TNIP3: variants seen among roughly 807,000 people sequenced by gnomAD.
TNIP3 encodes TNFAIP3 interacting protein 3, also known as TNFAIP3-interacting protein 3.
Under a neutral mutation model 54.1 loss-of-function variants are expected in TNIP3, and 34 were observed. The ratio of observed to expected loss-of-function variants is 0.63; its 90% CI spans 0.48 to 0.84. TNIP3 has a LOEUF of 0.84. Ranked by LOEUF, TNIP3 falls within the 40% of genes least tolerant of loss-of-function variation. The pLI is 0.00. For synonymous variants in TNIP3, 134 were observed against 136.8 expected, an observed-to-expected ratio of 0.98 and a Z score of 0.14; for missense variants, 366 against 387.6, an observed-to-expected ratio of 0.94 and a Z score of 0.47.
At chr4:121,219,628 A>G (rs1726949284), upstream of TNIP3, among the ~76,000 whole-genome samples, 1 of 152,236 alleles carries the variant, frequency 6.6e-6, no homozygotes, top group Admixed American at 6.5e-5. Flanking sequence ...ATTCAAGGGC[A>G]GGGTGTTCGT....
chr4:121,207,925 T>C (rs1447118665), intron 2 of TNIP3, among the ~76,000 whole-genome samples: 8 of 152,284 alleles, frequency 5.3e-5, no homozygotes, highest in Admixed American at 2.0e-4. Context: ...TGGGAGATAA[T>C]ATGAATGATG....
intron 2 of TNIP3, among the ~76,000 whole-genome samples, chr4:121,203,800 C>T (rs1266443598): frequency 1.3e-5 from 2 of 151,606 alleles, no homozygotes; most frequent in Non-Finnish European, 2.9e-5. Flanking sequence ...TATTCTTATG[C>T]TTCCTTCAGT....
intron 2 of TNIP3, among the ~76,000 whole-genome samples, chr4:121,205,111 G>C (rs1316076564): frequency 6.6e-6 from 1 of 152,166 alleles, no homozygotes; most frequent in Admixed American, 6.6e-5. Context: ...GAAATATAGA[G>C]CAATGTAAGT....
intron 1 of TNIP3, among the ~76,000 whole-genome samples, chr4:121,226,485 G>A (rs1452701143): frequency 1.3e-5 from 2 of 152,216 alleles, no homozygotes; most frequent in African/African-American, 4.8e-5. Flanking sequence ...TTCCACTGTG[G>A]GGACAGGTCT....
At chr4:121,154,933 C>A (rs1251144509) in intron 4 of TNIP3, among the ~76,000 whole-genome samples, 1 of 149,924 alleles carries the variant, frequency 6.7e-6, no homozygotes, top group Non-Finnish European at 1.5e-5. Context: ...AATTTTGTGA[C>A]CCCAGGAAAA....
At chr4:121,157,405 C>A in intron 3 of TNIP3, 162 bp from the exon 4 acceptor site, 1 of 864,374 alleles carries the variant, frequency 1.2e-6, no homozygotes, top group Non-Finnish European at 1.8e-6. Context: ...TCGGGATACT[C>A]GCGTTTCAAA....
chr4:121,196,809 A>T (rs1045107621), intron 2 of TNIP3, among the ~76,000 whole-genome samples: 1 of 152,038 alleles, frequency 6.6e-6, no homozygotes, highest in Non-Finnish European at 1.5e-5. Context: ...TAAAATTATG[A>T]TAGATTTGCT....
In TNIP3 at chr4:121,206,988, T is replaced by C. The variant is rs915503679; in HGVS notation, c.68+9427A>G. Among the ~76,000 whole-genome samples, 4 of 152,210 alleles carry C rather than the reference T, an allele frequency of 2.6e-5. No individual in the cohort carries two copies. In the South Asian group the frequency reaches 8.3e-4, roughly 32 times the overall value. ...AATTTAAAATAGAAATAAGTTCAAA[T>C]ATAGACTCCAAAGGGCAAACAGCTA... On this transcript the variant is annotated intron_variant, in intron 2 of 12. Coordinates refer to the TNIP3 transcript ENST00000507879.
chr4:121,169,237 T>C (rs1730937949), upstream of TNIP3, among the ~76,000 whole-genome samples: 1 of 152,182 alleles, frequency 6.6e-6, no homozygotes, highest in Admixed American at 6.5e-5. Flanking sequence ...CGTTAGTCCA[T>C]TCTGCGCCAT....
chr4:121,157,336 GC>G, intron 3 of TNIP3, 93 bp from the exon 4 acceptor site: 2 of 1,534,322 alleles, frequency 1.3e-6, no homozygotes, highest in Non-Finnish European at 8.9e-7. Flanking sequence ...TGGCAGAAAC[GC>G]CCCACCCCAG....
At position 121,226,804 on chromosome 4, in the gene TNIP3, G is replaced by A. The variant is rs141200926; in HGVS notation, c.3+581C>T. On this transcript the variant is annotated intron_variant, in intron 1 of 12. Coordinates refer to the TNIP3 transcript ENST00000509841. ...GAAATTTGACTGTTTAAATAAAACAGTCCAGTAACTTTATATTCAGAAATA... is the reference window on the plus strand; with the variant it reads ...GAAATTTGACTGTTTAAATAAAACAATCCAGTAACTTTATATTCAGAAATA... Among the ~76,000 whole-genome samples, 471 of 152,270 alleles carry A rather than the reference G, an allele frequency of 3.1e-3. 7 individuals are homozygous for A. Among genetic ancestry groups the A allele is most frequent in the African/African-American group, 0.011 (441 of 41,544 alleles).
At chr4:121,170,910 G>A (rs941935735) in intron 3 of TNIP3, among the ~76,000 whole-genome samples, 2 of 152,032 alleles carry the variant, frequency 1.3e-5, no homozygotes, top group African/African-American at 4.8e-5. Context: ...CTGCCTCCCG[G>A]GTTCAAGAAA....
chr4:121,164,777 C>G (rs913480904), upstream of TNIP3, among the ~76,000 whole-genome samples: 3 of 152,080 alleles, frequency 2.0e-5, no homozygotes, highest in Admixed American at 6.6e-5. Context: ...GCATTGTTTG[C>G]AAATCTAATC....
Position 121,138,658 on chromosome 4 carries a change from G to A in TNIP3, c.912C>T (p.Asp304=), listed in dbSNP as rs866438596. 6.2e-7 allele frequency: 1 copy of A among 1,613,998 alleles called. No individual in the cohort carries two copies. Among genetic ancestry groups the A allele is most frequent in the South Asian group, 1.1e-5 (1 of 91,072 alleles). ...HPPDYQWYAL[D]QLPPDVQHKA... ...TGTGTTGTACATCTGGCGGAAGCTGGTCAAGAGCATACCACTGATAGTCTG... is the reference window on the plus strand; with the variant it reads ...TGTGTTGTACATCTGGCGGAAGCTGATCAAGAGCATACCACTGATAGTCTG... Residue 304 remains aspartate (D), a synonymous_variant, in exon 10 of 11, where the codon GAC becomes GAT. Coordinates refer to ENST00000057513, the MANE Select transcript of TNIP3 (RefSeq NM_024873.6).
chr4:121,142,869 C>G, intron 7 of TNIP3, 93 bp from the exon 8 acceptor site: 1 of 1,049,232 alleles, frequency 9.5e-7, no homozygotes, highest in Non-Finnish European at 1.4e-6. Flanking sequence ...CAGGCATTGA[C>G]AGCAGTAATA....
At chr4:121,138,767 C>T in intron 9 of TNIP3, 83 bp from the exon 10 acceptor site, 4 of 1,290,126 alleles carry the variant, frequency 3.1e-6, no homozygotes, top group East Asian at 2.3e-5. Flanking sequence ...GGCTATGTGG[C>T]TTTTATTAAG....
At chr4:121,161,354 T>C in intron 1 of TNIP3, 138 bp from the exon 2 acceptor site, 4 of 679,168 alleles carry the variant, frequency 5.9e-6, no homozygotes, top group South Asian at 3.9e-5. Context: ...GCAGTAATAA[T>C]CCTCATACCC....
intron 2 of TNIP3, among the ~76,000 whole-genome samples, chr4:121,215,080 A>G (rs985658729): frequency 6.6e-6 from 1 of 152,242 alleles, no homozygotes; most frequent in Non-Finnish European, 1.5e-5. Context: ...CAATATTTCT[A>G]TATTTATTTG....
At chr4:121,143,146 C>A (rs954445404) in intron 7 of TNIP3, among the ~76,000 whole-genome samples, 2 of 152,182 alleles carry the variant, frequency 1.3e-5, no homozygotes, top group African/African-American at 4.8e-5. Context: ...ATGTCAGAAA[C>A]TTATCTAAAT....
Sources: gnomAD v4.1 joint callset for allele counts (sites outside exome capture counted in the v4.1 genomes callset) on GRCh38, gnomAD v4.1.1 for gene constraint, MANE v1.5 for transcripts, NCBI Gene and HGNC (gene_info 2026-07-23, HGNC 2026-07-21) for gene names.